The following CDA variants were observed in gnomAD, a reference collection of about 807,000 sequenced individuals.
The protein encoded by CDA is cytidine aminohydrolase.
A neutral mutation model predicts 15.0 loss-of-function variants in CDA; 7 were observed. That is an observed-to-expected ratio of 0.47 (90% CI 0.26 to 0.87). The LOEUF is 0.87. Among genes scored for constraint, CDA ranks in the 40% least tolerant of loss-of-function variants. CDA has a pLI of 0.15. For synonymous variants in CDA, 58 were observed against 73.0 expected (o/e 0.79, Z 1.05); for missense variants, 159 against 182.7 (o/e 0.87, Z 0.75).
chr1:20,603,334 C>G (rs982355397), intron 1 of CDA, among the ~76,000 whole-genome samples: 2 of 152,164 alleles, frequency 1.3e-5, no homozygotes, highest in Admixed American at 6.5e-5. Context: ...GAGTAGGCCC[C>G]AGGCAAACGG....
intron 2 of CDA, among the ~76,000 whole-genome samples, chr1:20,609,065 G>A (rs751922173): frequency 7.9e-5 from 12 of 152,146 alleles, no homozygotes; most frequent in Non-Finnish European, 1.5e-5. Flanking sequence ...GCGACTTTTG[G>A]TTGTTGAAGC....
chr1:20,609,210 C>A (rs1014178732), intron 2 of CDA, among the ~76,000 whole-genome samples: 1 of 152,116 alleles, frequency 6.6e-6, no homozygotes, highest in Non-Finnish European at 1.5e-5. Context: ...GAAGGCCGGG[C>A]GCAGTGGCTC....
At chr1:20,602,271 G>A (rs2052651884) in intron 1 of CDA, among the ~76,000 whole-genome samples, 1 of 152,044 alleles carries the variant, frequency 6.6e-6, no homozygotes, top group Non-Finnish European at 1.5e-5. Flanking sequence ...GGGGCGGGCT[G>A]GAGTCCACAG....
Position 20,600,627 on chromosome 1 carries a change from A to G in CDA, c.155-4301A>G, listed in dbSNP as rs545026699. Among the ~76,000 whole-genome samples, 103 of 152,078 alleles carry G rather than the reference A, an allele frequency of 6.8e-4. 1 individual carries two copies. The highest frequency in any genetic ancestry group is 6.8e-3 in the Middle Eastern group (2 of 294). On this transcript the variant is annotated intron_variant, in intron 1 of 3. Transcript: ENST00000375071. ...AAAAATTAGCCAGGCATGGTGATGCACACCTGTAATCCCAGCTATTAGGGA... is the reference window on the plus strand; with the variant it reads ...AAAAATTAGCCAGGCATGGTGATGCGCACCTGTAATCCCAGCTATTAGGGA...
chr1:20,612,648 AG>A (rs1289261574), intron 2 of CDA, among the ~76,000 whole-genome samples: 3 of 152,062 alleles, frequency 2.0e-5, no homozygotes, highest in African/African-American at 4.8e-5. Flanking sequence ...GTGACTAAAA[AG>A]CTTTATTACT....
intron 2 of CDA, among the ~76,000 whole-genome samples, chr1:20,608,885 G>A (rs1036415361): frequency 2.6e-5 from 4 of 152,028 alleles, no homozygotes; most frequent in African/African-American, 7.3e-5. Flanking sequence ...TGATAAGAGC[G>A]CCTGCATACC....
At position 20,594,810 on chromosome 1, in the gene CDA, A is replaced by G. The variant is rs753946078; in HGVS notation, c.154+5527A>G. On this transcript the variant is annotated intron_variant, in intron 1 of 3. Transcript: ENST00000375071. ...TCTCAAAAAAAAAAAAAAGAAAGAA[A>G]GATAAAAGAAAAGAAAGAAAGCAAA... 1.2e-4 allele frequency among the ~76,000 whole-genome samples: 18 copies of G among 151,662 alleles called. No individual in the cohort carries two copies. The South Asian group carries it at 1.2e-3, about 10-fold the overall frequency.
At chr1:20,611,702 A>G (rs1329778128) in intron 2 of CDA, among the ~76,000 whole-genome samples, 1 of 152,098 alleles carries the variant, frequency 6.6e-6, no homozygotes, top group Non-Finnish European at 1.5e-5. Context: ...TTAGGGACCA[A>G]TCCTTGTCCT....
Position 20,614,102 on chromosome 1 carries a change from C to T in CDA, c.324+203C>T, listed in dbSNP as rs115114040. Among the ~76,000 whole-genome samples the T allele has an allele frequency of 4.6e-3, 708 of 152,292 alleles. 8 individuals carry two copies. Among genetic ancestry groups the T allele is most frequent in the African/African-American group, 0.016 (678 of 41,554 alleles). On this transcript the variant is annotated intron_variant, in intron 3 of 3. Coordinates refer to ENST00000375071, the MANE Select transcript of CDA (RefSeq NM_001785.3). Reference sequence around the variant, plus strand: ...ATTCCTTCATTTAACAAATACTTACCGAGTGAGTGTCTGCTTTGTGCCAGG... The same window carrying T: ...ATTCCTTCATTTAACAAATACTTACTGAGTGAGTGTCTGCTTTGTGCCAGG...
At chr1:20,595,063 T>C (rs2052581214) in intron 1 of CDA, among the ~76,000 whole-genome samples, 1 of 152,092 alleles carries the variant, frequency 6.6e-6, no homozygotes, top group Non-Finnish European at 1.5e-5. Flanking sequence ...ACAAGACTTC[T>C]TGGCTGTAGT....
chr1:20,609,008 C>T (rs554656550), intron 2 of CDA, among the ~76,000 whole-genome samples: 5 of 152,286 alleles, frequency 3.3e-5, no homozygotes, highest in Admixed American at 1.3e-4. Flanking sequence ...ACTGTTAATG[C>T]GCTGTCTCTA....
intron 1 of CDA, among the ~76,000 whole-genome samples, chr1:20,598,174 C>G (rs1175477354): frequency 6.6e-6 from 1 of 152,184 alleles, no homozygotes; most frequent in Non-Finnish European, 1.5e-5. Flanking sequence ...GCCAATGCAA[C>G]AGTGTTGGGA....
At chr1:20,606,578 G>C (rs372095143) in intron 2 of CDA, among the ~76,000 whole-genome samples, 3 of 152,156 alleles carry the variant, frequency 2.0e-5, no homozygotes, top group East Asian at 3.9e-4. Flanking sequence ...CTAGGATCCT[G>C]AATGAGCCAC....
chr1:20,611,052 C>A (rs2052745485), intron 2 of CDA, among the ~76,000 whole-genome samples: 1 of 152,072 alleles, frequency 6.6e-6, no homozygotes, highest in African/African-American at 2.4e-5. Flanking sequence ...CCAGCCTGGG[C>A]AATATAGTAA....
At chr1:20,595,027 A>C (rs1425828263) in intron 1 of CDA, among the ~76,000 whole-genome samples, 2 of 152,090 alleles carry the variant, frequency 1.3e-5, no homozygotes, top group Non-Finnish European at 2.9e-5. Flanking sequence ...ACAGTGCCAG[A>C]AAGGGTCCCA....
intron 1 of CDA, among the ~76,000 whole-genome samples, chr1:20,596,756 C>CTTT (rs61288769): frequency 1.8e-3 from 185 of 101,092 alleles, no homozygotes; most frequent in Middle Eastern, 5.6e-3. Flanking sequence ...CTGTTGATGT[C>CTTT]TTTTTTTTTT....
chr1:20,612,697 C>T (rs1215661675), intron 2 of CDA, among the ~76,000 whole-genome samples: 3 of 151,988 alleles, frequency 2.0e-5, no homozygotes, highest in African/African-American at 7.2e-5. Context: ...CGGGGTGGCT[C>T]ATGCCTGGAG....
At chr1:20,592,870 AT>A (rs1308240097) in intron 1 of CDA, among the ~76,000 whole-genome samples, 2 of 152,212 alleles carry the variant, frequency 1.3e-5, no homozygotes, top group Admixed American at 1.3e-4. Context: ...AGGCTGGAGG[AT>A]CCCTTGAGTC....
intron 1 of CDA, among the ~76,000 whole-genome samples, chr1:20,589,957 C>A: frequency 6.6e-6 from 1 of 152,252 alleles, no homozygotes; most frequent in Non-Finnish European, 1.5e-5. Flanking sequence ...CTGAGCCCAT[C>A]TGAGTCTGCT....
Sources: gnomAD v4.1 joint callset for allele counts (sites outside exome capture counted in the v4.1 genomes callset) on GRCh38, gnomAD v4.1.1 for gene constraint, MANE v1.5 for transcripts, NCBI Gene and HGNC (gene_info 2026-07-23, HGNC 2026-07-21) for gene names.